The following AKAP6 variants were observed in gnomAD, a reference collection of about 807,000 sequenced individuals.
The protein encoded by AKAP6 is A-kinase anchoring protein 6, also known as A-kinase anchor protein 6.
AKAP6 carries 58 observed loss-of-function variants against 188.5 expected under a neutral mutation model. The ratio of observed to expected loss-of-function variants is 0.31; its 90% CI spans 0.25 to 0.38. AKAP6 has a LOEUF of 0.38. Among genes scored for constraint, AKAP6 ranks in the 10% least tolerant of loss-of-function variants. AKAP6 has a pLI of 1.00. For synonymous variants in AKAP6, 989 were observed against 998.6 expected (o/e 0.99, Z 0.18); for missense variants, 2,710 against 2,740.0 (o/e 0.99, Z 0.24).
rs1437449754 is a variant in AKAP6 at position 32,834,531 on chromosome 14, G to GTGTTTTTTTTTTTTTTTTTTTT, written c.*4727_*4728insGTTTTTTTTTTTTTTTTTTTTT. 4 of 90,500 alleles carry GTGTTTTTTTTTTTTTTTTTTTT rather than the reference G, an allele frequency of 4.4e-5. No individual in the cohort carries two copies. Among genetic ancestry groups the GTGTTTTTTTTTTTTTTTTTTTT allele is most frequent in the Admixed American group, 1.5e-4 (1 of 6,756 alleles). The allele number at this position is 90,500 out of a possible 1,614,324, so 5.6% of individuals were successfully genotyped here. On this transcript the variant is annotated 3_prime_UTR_variant, in exon 14 of 14. Transcript: ENST00000280979. ...ATCACACACTGCTTTTAGTTTCCAA[G>GTGTTTTTTTTTTTTTTTTTTTT]TCTTTTTTTTTTTTTTTTTTTTTAA...
At chr14:32,782,894 A>G (rs2033295352) in intron 12 of AKAP6, among the ~76,000 whole-genome samples, 1 of 151,944 alleles carries the variant, frequency 6.6e-6, no homozygotes, top group African/African-American at 2.4e-5. Flanking sequence ...TTTCGTAAAA[A>G]TTTGTAAGCT....
chr14:32,329,849 T>C (rs1163864677), intron 1 of AKAP6, among the ~76,000 whole-genome samples: 2 of 152,116 alleles, frequency 1.3e-5, no homozygotes, highest in African/African-American at 4.8e-5. Context: ...TTTACCTCGG[T>C]TGGGTTTCAG....
chr14:32,393,001 C>T lies in AKAP6; in HGVS notation c.-34-40459C>T, dbSNP rs569483822. On this transcript the variant is annotated intron_variant, in intron 1 of 13. Transcript: ENST00000280979. ...TGTATATTACCCTCAAAACTGCCAA[C>T]CATTTATTAAATACTATAATAATAA... Among the ~76,000 whole-genome samples, 290 of 151,978 alleles carry T rather than the reference C, an allele frequency of 1.9e-3. 1 individual carries two copies. Among genetic ancestry groups the T allele is most frequent in the Middle Eastern group, 0.014 (4 of 294 alleles).
chr14:32,435,100 A>C (rs1260734226), intron 2 of AKAP6, among the ~76,000 whole-genome samples: 1 of 152,218 alleles, frequency 6.6e-6, no homozygotes, highest in Non-Finnish European at 1.5e-5. Context: ...TTGTATAATC[A>C]GAATAGCAGG....
intron 1 of AKAP6, among the ~76,000 whole-genome samples, chr14:32,387,526 ATTAT>A (rs1249110168): frequency 5.4e-5 from 8 of 147,818 alleles, no homozygotes; most frequent in Admixed American, 4.7e-4. Context: ...TGTATTGTTT[ATTAT>A]TTATTATATT....
At chr14:32,447,497 G>T (rs1890794286) in intron 2 of AKAP6, among the ~76,000 whole-genome samples, 1 of 152,106 alleles carries the variant, frequency 6.6e-6, no homozygotes, top group African/African-American at 2.4e-5. Flanking sequence ...TTTGGAGTTA[G>T]GACTCGGCCA....
intron 2 of AKAP6, among the ~76,000 whole-genome samples, chr14:32,437,305 A>T (rs1890413319): frequency 6.6e-6 from 1 of 152,078 alleles, no homozygotes; most frequent in Non-Finnish European, 1.5e-5. Flanking sequence ...GCTGTGTTTG[A>T]TGAGGGGCAA....
intron 1 of AKAP6, among the ~76,000 whole-genome samples, chr14:32,361,884 A>G (rs1309021030): frequency 6.6e-6 from 1 of 151,072 alleles, no homozygotes; most frequent in Non-Finnish European, 1.5e-5. Context: ...GTTGAATTGT[A>G]TGCCGGTTGC....
chr14:32,369,543 T>C (rs10144068), intron 1 of AKAP6, among the ~76,000 whole-genome samples: 4,372 of 152,296 alleles, frequency 0.029, 175 homozygotes, highest in African/African-American at 0.091. Context: ...ACAGTGATCA[T>C]CCTTTTGATC....
At chr14:32,531,517 G>A (rs562069373) in intron 2 of AKAP6, among the ~76,000 whole-genome samples, 3 of 152,166 alleles carry the variant, frequency 2.0e-5, no homozygotes, top group Non-Finnish European at 4.4e-5. Flanking sequence ...TTATCATACA[G>A]CAGAGTTGAC....
At chr14:32,679,185 A>G (rs953202290) in intron 8 of AKAP6, among the ~76,000 whole-genome samples, 2 of 152,166 alleles carry the variant, frequency 1.3e-5, no homozygotes, top group Non-Finnish European at 2.9e-5. Flanking sequence ...AAAGCTAAAT[A>G]TATGTGTGTA....
intron 12 of AKAP6, among the ~76,000 whole-genome samples, chr14:32,795,308 C>G (rs2033733077): frequency 6.6e-6 from 1 of 152,146 alleles, no homozygotes; most frequent in African/African-American, 2.4e-5. Context: ...ATCCTGATAC[C>G]AAAACCTGGC....
At chr14:32,708,967 G>A (rs998850307) in intron 9 of AKAP6, among the ~76,000 whole-genome samples, 4 of 152,002 alleles carry the variant, frequency 2.6e-5, no homozygotes, top group Non-Finnish European at 5.9e-5. Flanking sequence ...TATAAACCAG[G>A]AGCCAAAATC....
chr14:32,340,888 C>T (rs1886868282), intron 1 of AKAP6, among the ~76,000 whole-genome samples: 1 of 152,180 alleles, frequency 6.6e-6, no homozygotes, highest in Admixed American at 6.5e-5. Context: ...GGGCACTAAC[C>T]CCATTCATGA....
In AKAP6 at chr14:32,833,601, C is replaced by A. The variant is rs962713397; in HGVS notation, c.*3796C>A. 1 of 152,080 alleles carries A rather than the reference C, an allele frequency of 6.6e-6. No individual in the cohort carries two copies. Among genetic ancestry groups the A allele is most frequent in the African/African-American group, 2.4e-5 (1 of 41,406 alleles). The allele number at this position is 152,080 out of a possible 1,614,324, so 9.4% of individuals were successfully genotyped here. On this transcript the variant is annotated 3_prime_UTR_variant, in exon 14 of 14. Coordinates refer to ENST00000280979, the MANE Select transcript of AKAP6 (RefSeq NM_004274.5). ...GATGACTTTGTTGTGTTTGGTTCAT[C>A]CGGACTAGGTTTCACCCATTCTATA...
At chr14:32,592,568 T>A (rs1328689741) in intron 5 of AKAP6, among the ~76,000 whole-genome samples, 2 of 152,152 alleles carry the variant, frequency 1.3e-5, no homozygotes, top group Non-Finnish European at 2.9e-5. Context: ...GGCAGATATG[T>A]AGCCTGTGAA....
rs979248572 is a variant in AKAP6, at chr14:32,619,033, G to GT, written c.2730+18251dup. Among the ~76,000 whole-genome samples the GT allele has an allele frequency of 6.6e-3, 976 of 147,500 alleles. 15 individuals carry two copies. Among genetic ancestry groups the GT allele is most frequent in the African/African-American group, 0.021 (856 of 40,358 alleles). The stretch of plus-strand genomic sequence containing the variant: ...TACCTACTTTTTAATGGGATTATTT[G>GT]TTTTTTTTTTCTTGGTTATTTGTGT... On this transcript the variant is annotated intron_variant, in intron 7 of 13. Coordinates refer to ENST00000280979, the MANE Select transcript of AKAP6 (RefSeq NM_004274.5).
intron 2 of AKAP6, among the ~76,000 whole-genome samples, chr14:32,483,515 G>A (rs888033499): frequency 9.9e-5 from 15 of 151,522 alleles, no homozygotes; most frequent in East Asian, 5.8e-4. Flanking sequence ...ATGGAGTTTC[G>A]CTCTTTTTGC....
chr14:32,674,046 A>G (rs993295577), intron 7 of AKAP6, among the ~76,000 whole-genome samples: 2 of 152,244 alleles, frequency 1.3e-5, no homozygotes, highest in South Asian at 4.1e-4. Flanking sequence ...GAAGTAGCAT[A>G]TCAGCTGAGA....
Sources: gnomAD v4.1 joint callset for allele counts (sites outside exome capture counted in the v4.1 genomes callset) on GRCh38, gnomAD v4.1.1 for gene constraint, MANE v1.5 for transcripts, NCBI Gene and HGNC (gene_info 2026-07-23, HGNC 2026-07-21) for gene names.